The following KLHL24 variants were observed in gnomAD, a reference collection of about 807,000 sequenced individuals.
KLHL24 encodes the protein kelch-like protein 24.
In KLHL24, 29 loss-of-function variants were observed where a neutral mutation model predicts 53.4. The ratio of observed to expected loss-of-function variants is 0.54; its 90% CI spans 0.40 to 0.74. The LOEUF is 0.74. Ranked by LOEUF, KLHL24 falls within the 30% of genes least tolerant of loss-of-function variation. KLHL24 has a pLI of 0.00. For synonymous variants in KLHL24, 222 were observed against 253.7 expected (o/e 0.88, Z 1.19); for missense variants, 504 against 744.0 (o/e 0.68, Z 3.75).
intron 5 of KLHL24, among the ~76,000 whole-genome samples, chr3:183,670,757 ACATT>A (rs1297760420): frequency 6.6e-6 from 1 of 152,250 alleles, no homozygotes; most frequent in Admixed American, 6.5e-5. Flanking sequence ...AGATATACAT[ACATT>A]AAGGTAAATA....
Position 183,650,396 on chromosome 3 carries a change from C to T in KLHL24, c.40C>T (p.Leu14Phe). 1 of 1,614,120 alleles carries T rather than the reference C, an allele frequency of 6.2e-7. No homozygotes were observed. The highest frequency in any genetic ancestry group is 8.5e-7 in the Non-Finnish European group (1 of 1,179,986). ...ILGRRLNREDLGVRDSPATKR... is the reference protein window; with the variant it reads ...ILGRRLNREDFGVRDSPATKR... ...GGGACGCAGACTAAACAGAGAGGAT[C>T]TTGGGGTGCGTGATTCCCCAGCAAC... is the stretch of plus-strand genomic sequence containing the variant. Residue 14 changes from leucine (L) to phenylalanine (F), a missense_variant, in exon 3 of 8, where the codon CTT (leucine) becomes TTT (phenylalanine). By Grantham distance (22) the Leu-to-Phe change is conservative. Transcript: ENST00000242810. The surrounding 1 kb of genome is among the most constrained non-coding windows in gnomAD (Gnocchi z 4.5).
At chr3:183,641,178 G>A (rs1057170145) in intron 1 of KLHL24, among the ~76,000 whole-genome samples, 2 of 152,100 alleles carry the variant, frequency 1.3e-5, no homozygotes, top group Admixed American at 6.6e-5. Context: ...TATTATATAT[G>A]ATTTTCTGGT....
At chr3:183,648,963 A>C (rs922183011) in intron 2 of KLHL24, among the ~76,000 whole-genome samples, 2 of 151,926 alleles carry the variant, frequency 1.3e-5, no homozygotes, top group Non-Finnish European at 2.9e-5. Flanking sequence ...AGATCGCGCC[A>C]TTGCACTTCA....
chr3:183,648,492 G>T (rs1717651090), intron 2 of KLHL24, among the ~76,000 whole-genome samples: 1 of 133,030 alleles, frequency 7.5e-6, no homozygotes, highest in East Asian at 2.5e-4. Flanking sequence ...TCCTTTAGCT[G>T]ACTTCTTTTT....
chr3:183,670,939 C>A, intron 5 of KLHL24, 95 bp from the exon 6 acceptor site: 1 of 805,376 alleles, frequency 1.2e-6, no homozygotes, highest in Non-Finnish European at 2.0e-6. Flanking sequence ...TTAGCAAGGG[C>A]ATTTTAAAGA....
At chr3:183,674,609 C>T (rs983059042) in intron 7 of KLHL24, among the ~76,000 whole-genome samples, 3 of 152,154 alleles carry the variant, frequency 2.0e-5, no homozygotes, top group Admixed American at 2.0e-4. Context: ...ATCCACCTGC[C>T]TCAGCCTCCC....
At chr3:183,637,781 C>T (rs895743283) in intron 1 of KLHL24, among the ~76,000 whole-genome samples, 1 of 152,186 alleles carries the variant, frequency 6.6e-6, no homozygotes, top group African/African-American at 2.4e-5. Flanking sequence ...GCCTTAGTTT[C>T]CCGAGTAGCT....
chr3:183,676,945 G>A (rs1576990022), intron 7 of KLHL24, among the ~76,000 whole-genome samples: 1 of 148,626 alleles, frequency 6.7e-6, no homozygotes, highest in Admixed American at 6.7e-5. Context: ...TTAGGATCAT[G>A]TTTCGTTTCA....
intron 7 of KLHL24, 77 bp downstream of exon 7, chr3:183,672,561 A>G (rs1007827516): frequency 4.7e-6 from 5 of 1,065,378 alleles, no homozygotes; most frequent in Admixed American, 6.0e-5. Flanking sequence ...ATACACTGGA[A>G]TTTCAATTTT....
Position 183,650,280 on chromosome 3 carries a change from C to A in KLHL24, c.-61-16C>A. 1.7e-6 allele frequency: 2 copies of A among 1,173,522 alleles called. No individual in the cohort carries two copies. The highest frequency in any genetic ancestry group is 2.4e-6 in the Non-Finnish European group (2 of 836,412). The allele number at this position is 1,173,522 out of a possible 1,614,324, so 72.7% of individuals were successfully genotyped here. Reference sequence around the variant, plus strand: ...ATTTTTTGCATATTGAAATGTTTTCCTTTTTTTACTTTTAGCCACATAAAG... The same window carrying A: ...ATTTTTTGCATATTGAAATGTTTTCATTTTTTTACTTTTAGCCACATAAAG... On this transcript the variant is annotated splice_polypyrimidine_tract_variant and intron_variant, in intron 2 of 7. Coordinates refer to ENST00000242810, the MANE Select transcript of KLHL24 (RefSeq NM_017644.3). The surrounding 1 kb of genome is among the most constrained non-coding windows in gnomAD (Gnocchi z 4.5).
At chr3:183,648,090 C>G (rs1450253298) in intron 2 of KLHL24, among the ~76,000 whole-genome samples, 2 of 152,020 alleles carry the variant, frequency 1.3e-5, no homozygotes, top group Non-Finnish European at 2.9e-5. Context: ...AGTATCGTGA[C>G]AATAGTGGGC....
intron 3 of KLHL24, among the ~76,000 whole-genome samples, chr3:183,656,454 A>G (rs1718911051): frequency 6.6e-6 from 1 of 152,198 alleles, no homozygotes; most frequent in South Asian, 2.1e-4. Flanking sequence ...AAAACATTTG[A>G]GGTAGAAAAA....
chr3:183,642,063 CT>C (rs1716530427), intron 1 of KLHL24, among the ~76,000 whole-genome samples: 1 of 152,154 alleles, frequency 6.6e-6, no homozygotes, highest in Admixed American at 6.5e-5. Context: ...TAGTACCAAT[CT>C]TGGAGTTCTT....
intron 1 of KLHL24, among the ~76,000 whole-genome samples, chr3:183,641,474 CAAA>C (rs202119480): frequency 2.3e-4 from 16 of 70,250 alleles, no homozygotes; most frequent in African/African-American, 7.1e-4. Flanking sequence ...GAGACTGTCT[CAAA>C]AAAAAAAAAA....
At position 183,663,436 on chromosome 3, in the gene KLHL24, A is replaced by T. The variant is rs751959710; in HGVS notation, c.921-22A>T. The T allele has an allele frequency of 8.8e-6, 11 of 1,256,946 alleles. No homozygotes were observed. In the Admixed American group the frequency reaches 1.5e-4, roughly 17 times the overall value. The allele number at this position is 1,256,946 out of a possible 1,614,324, so 77.9% of individuals were successfully genotyped here. A position where few individuals can be genotyped will look rare whatever the true frequency, so the allele number is the denominator to read the frequency against. On this transcript the variant is annotated intron_variant, in intron 3 of 7. Coordinates refer to ENST00000242810, the MANE Select transcript of KLHL24 (RefSeq NM_017644.3). The surrounding 1 kb of genome is among the most constrained non-coding windows in gnomAD (Gnocchi z 4.9). Reference sequence around the variant, plus strand: ...TGTAATATTATTATATTATTTATGTACGCTAATAATTATTATTTTAGGTCC... The same window carrying T: ...TGTAATATTATTATATTATTTATGTTCGCTAATAATTATTATTTTAGGTCC...
rs77793363 is a variant in KLHL24, at chr3:183,644,484, A to G, written c.-62+942A>G. Among the ~76,000 whole-genome samples, 1,211 of 152,318 alleles carry G rather than the reference A, an allele frequency of 8.0e-3. 16 individuals carry two copies. The highest frequency in any genetic ancestry group is 0.028 in the African/African-American group (1,159 of 41,580). On this transcript the variant is annotated intron_variant, in intron 2 of 7. Coordinates refer to ENST00000242810, the MANE Select transcript of KLHL24 (RefSeq NM_017644.3). ...AGGCTGAAGCTGTTTGGAAAGATCT[A>G]TGAGATAGTCTCTCTTACATACAGA...
At chr3:183,637,422 A>G (rs766942153) in intron 1 of KLHL24, among the ~76,000 whole-genome samples, 16 of 152,204 alleles carry the variant, frequency 1.1e-4, no homozygotes, top group Non-Finnish European at 2.1e-4. Flanking sequence ...ACACACTTCT[A>G]TGTTTTAATT....
intron 6 of KLHL24, among the ~76,000 whole-genome samples, 170 bp downstream of exon 6, chr3:183,671,392 C>G (rs1721302418): frequency 6.6e-6 from 1 of 152,136 alleles, no homozygotes; most frequent in South Asian, 2.1e-4. Context: ...TAAAGTGAGA[C>G]TCTAGTATAT....
intron 1 of KLHL24, 163 bp from the exon 2 acceptor site, chr3:183,643,317 C>A: frequency 6.6e-6 from 1 of 152,080 alleles, no homozygotes; most frequent in Non-Finnish European, 1.5e-5. Flanking sequence ...TATTAATTTA[C>A]TTTAAGGAGA....
Sources: allele counts gnomAD v4.1 joint callset (sites outside exome capture counted in the v4.1 genomes callset), GRCh38; gene constraint gnomAD v4.1.1; non-coding constraint Gnocchi (gnomAD v3.1); transcripts MANE v1.5; gene names NCBI Gene and HGNC (gene_info 2026-07-23, HGNC 2026-07-21).